Variants in ST8SIA1 observed in about 807,000 individuals in gnomAD.
ST8SIA1 encodes alpha-N-acetylneuraminide alpha-2,8-sialyltransferase.
ST8SIA1 carries 16 observed loss-of-function variants against 35.9 expected under a neutral mutation model. The ratio of observed to expected loss-of-function variants is 0.45; its 90% CI spans 0.30 to 0.68. ST8SIA1 has a LOEUF of 0.68. ST8SIA1 is among the 30% of genes least tolerant of loss of function. The probability of loss-of-function intolerance (pLI) is 0.09; values close to 1 mark genes in which losing one functional copy is unlikely to be tolerated. For missense variants in ST8SIA1, 383 were observed against 453.6 expected, an observed-to-expected ratio of 0.84 and a Z score of 1.41; for synonymous variants, 170 against 169.6, an observed-to-expected ratio of 1.00 and a Z score of -0.02.
At chr12:22,248,318 G>A (rs954259918) in intron 4 of ST8SIA1, among the ~76,000 whole-genome samples, 7 of 125,800 alleles carry the variant, frequency 5.6e-5, no homozygotes, top group Non-Finnish European at 1.1e-4. Context: ...CCTTGGAGAC[G>A]GACTCCTTCT....
At chr12:22,211,420 C>T (rs1052586382) in intron 4 of ST8SIA1, among the ~76,000 whole-genome samples, 1 of 152,178 alleles carries the variant, frequency 6.6e-6, no homozygotes, top group African/African-American at 2.4e-5. Context: ...CAGCCTGAAG[C>T]TACCTAGGGG....
At chr12:22,232,694 C>T (rs1865433275) in intron 4 of ST8SIA1, among the ~76,000 whole-genome samples, 1 of 152,038 alleles carries the variant, frequency 6.6e-6, no homozygotes, top group Non-Finnish European at 1.5e-5. Context: ...ATAAAATAGG[C>T]CGGACATGGT....
At chr12:22,291,059 A>C (rs1456662626) in intron 1 of ST8SIA1, among the ~76,000 whole-genome samples, 1 of 152,206 alleles carries the variant, frequency 6.6e-6, no homozygotes, top group Non-Finnish European at 1.5e-5. Flanking sequence ...CATAAAGGTA[A>C]ATACTTACGA....
rs931818401 is a variant in ST8SIA1, at chr12:22,325,919, A to G, written c.236+8078T>C. 4.3e-6 allele frequency: 3 copies of G among 698,734 alleles called. No homozygotes were observed. The African/African-American group carries it at 5.3e-5, about 12-fold the overall frequency. The allele number at this position is 698,734 out of a possible 1,614,324, so 43.3% of individuals were successfully genotyped here. ...AGTGACTCATGGGCAGCAAGTGTCA[A>G]CAGTGTGGAGACGCTGAACAAAGGG... On this transcript the variant is annotated intron_variant, in intron 1 of 4. Transcript: ENST00000396037.
chr12:22,228,614 G>C (rs1481390756), intron 4 of ST8SIA1, among the ~76,000 whole-genome samples: 1 of 152,196 alleles, frequency 6.6e-6, no homozygotes, highest in African/African-American at 2.4e-5. Flanking sequence ...CCTTGTAAGG[G>C]ACAATACAAA....
At chr12:22,306,099 C>T (rs1470602491) in intron 1 of ST8SIA1, among the ~76,000 whole-genome samples, 1 of 152,188 alleles carries the variant, frequency 6.6e-6, no homozygotes, top group African/African-American at 2.4e-5. Context: ...TTTCACCTAC[C>T]TGTGACCTGG....
rs1166250061 is a variant in ST8SIA1 at position 22,194,066 on chromosome 12, A to G, written c.*7486T>C. 6.6e-6 allele frequency: 1 copy of G among 152,190 alleles called. No homozygotes were observed. The allele number at this position is 152,190 out of a possible 1,614,324, so 9.4% of individuals were successfully genotyped here. ...TTTAGTAATATTTCAGACTTGTTAA[A>G]GATTAAGCAGGCTTTTTGATGGAGC... On this transcript the variant is annotated 3_prime_UTR_variant, in exon 5 of 5. Coordinates refer to ENST00000396037, the MANE Select transcript of ST8SIA1 (RefSeq NM_003034.4).
chr12:22,198,445 T>C lies in ST8SIA1; in HGVS notation c.*3107A>G, dbSNP rs1489011613. 1 of 151,546 alleles carries C rather than the reference T, an allele frequency of 6.6e-6. No individual in the cohort carries two copies. Among genetic ancestry groups the C allele is most frequent in the African/African-American group, 2.4e-5 (1 of 41,200 alleles). The allele number at this position is 151,546 out of a possible 1,614,324, so 9.4% of individuals were successfully genotyped here. ...TTAATAATAGAGTATTCCAGAGCAC[T>C]CTACAGGATGATTCTAGCGAGGTCC... On this transcript the variant is annotated 3_prime_UTR_variant, in exon 5 of 5. Transcript: ENST00000396037.
chr12:22,220,831 T>C (rs1865290290), intron 4 of ST8SIA1, among the ~76,000 whole-genome samples: 1 of 152,216 alleles, frequency 6.6e-6, no homozygotes, highest in African/African-American at 2.4e-5. Context: ...GGTGTCTGCA[T>C]GGCTGGTATG....
intron 2 of ST8SIA1, among the ~76,000 whole-genome samples, chr12:22,282,621 T>C (rs12826736): frequency 0.2 from 31,167 of 152,152 alleles, 3,212 homozygotes; most frequent in Middle Eastern, 0.33. Flanking sequence ...TGGCACACTA[T>C]GTAGCCATCA....
intron 1 of ST8SIA1, among the ~76,000 whole-genome samples, chr12:22,321,581 C>T (rs1866602297): frequency 6.6e-6 from 1 of 152,146 alleles, no homozygotes; most frequent in South Asian, 2.1e-4. Flanking sequence ...TTAAAATAAA[C>T]AAAACTGAGC....
chr12:22,252,003 C>A (rs560952496), intron 3 of ST8SIA1, among the ~76,000 whole-genome samples: 1 of 152,144 alleles, frequency 6.6e-6, no homozygotes, highest in Non-Finnish European at 1.5e-5. Flanking sequence ...AGGATGCAAT[C>A]CCTGTTAACT....
chr12:22,255,406 A>G lies in ST8SIA1; in HGVS notation c.382-17T>C. 1.2e-6 allele frequency: 2 copies of G among 1,608,084 alleles called. No individual in the cohort carries two copies. Among genetic ancestry groups the G allele is most frequent in the Non-Finnish European group, 1.7e-6 (2 of 1,174,404 alleles). On this transcript the variant is annotated splice_polypyrimidine_tract_variant and intron_variant, in intron 2 of 4. Transcript: ENST00000396037. Reference sequence around the variant, plus strand: ...TGGGGTTGCCTAGCAACAGAAAACAAGGCGGGTTTTCACTGCAAAGAACAC... The same window carrying G: ...TGGGGTTGCCTAGCAACAGAAAACAGGGCGGGTTTTCACTGCAAAGAACAC...
intron 1 of ST8SIA1, among the ~76,000 whole-genome samples, chr12:22,292,635 T>A (rs927465071): frequency 6.6e-6 from 1 of 152,068 alleles, no homozygotes; most frequent in Non-Finnish European, 1.5e-5. Context: ...CCCAGGTGAG[T>A]TAATGGATGA....
intron 4 of ST8SIA1, among the ~76,000 whole-genome samples, chr12:22,209,633 C>G (rs1865155387): frequency 6.6e-6 from 1 of 152,166 alleles, no homozygotes; most frequent in South Asian, 2.1e-4. Context: ...CAGCTGGTGC[C>G]TTTGATATTT....
chr12:22,202,456 C>T (rs1431893208), intron 4 of ST8SIA1, among the ~76,000 whole-genome samples: 1 of 152,194 alleles, frequency 6.6e-6, no homozygotes, highest in Non-Finnish European at 1.5e-5. Context: ...AAAGGAATCA[C>T]TTCTAAGATA....
At chr12:22,255,539 G>T in intron 2 of ST8SIA1, 150 bp from the exon 3 acceptor site, 1 of 725,930 alleles carries the variant, frequency 1.4e-6, no homozygotes, top group Non-Finnish European at 2.3e-6. Flanking sequence ...CAAGAAGTTT[G>T]TAAGGAACAA....
At chr12:22,202,190 A>G (rs1865055572) in intron 4 of ST8SIA1, 152 bp from the exon 5 acceptor site, 1 of 710,722 alleles carries the variant, frequency 1.4e-6, no homozygotes, top group Non-Finnish European at 2.2e-6. Flanking sequence ...TCCTCCTTGA[A>G]CTTATCAATT....
At chr12:22,309,136 G>T (rs1241714254) in intron 1 of ST8SIA1, among the ~76,000 whole-genome samples, 1 of 152,080 alleles carries the variant, frequency 6.6e-6, no homozygotes. Context: ...ACACTCTCCT[G>T]GCGAAGGGGA....
Sources: allele counts gnomAD v4.1 joint callset (sites outside exome capture counted in the v4.1 genomes callset), GRCh38; gene constraint gnomAD v4.1.1; transcripts MANE v1.5; gene names NCBI Gene and HGNC (gene_info 2026-07-23, HGNC 2026-07-21).